LPP: variants seen among roughly 807,000 people sequenced by gnomAD.
LPP encodes the protein lipoma-preferred partner.
LPP carries 38 observed loss-of-function variants against 60.4 expected under a neutral mutation model. That is an observed-to-expected ratio of 0.63 (90% CI 0.49 to 0.83). The LOEUF is 0.83. Ranked by LOEUF, LPP falls within the 40% of genes least tolerant of loss-of-function variation. The pLI, the probability that LPP is intolerant of heterozygous loss-of-function variation, is 0.00. For missense variants in LPP, 902 were observed against 783.6 expected (o/e 1.15, Z -1.80); for synonymous variants, 328 against 290.8 (o/e 1.13, Z -1.30).
At chr3:188,361,211 A>G (rs1234534477) in intron 3 of LPP, among the ~76,000 whole-genome samples, 3 of 152,208 alleles carry the variant, frequency 2.0e-5, no homozygotes, top group Non-Finnish European at 4.4e-5. Context: ...TTTTCTTCAA[A>G]TAAACTGTGA....
chr3:188,527,770 A>G (rs1404246642), intron 6 of LPP, among the ~76,000 whole-genome samples: 2 of 148,628 alleles, frequency 1.3e-5, no homozygotes, highest in African/African-American at 5.0e-5. Context: ...TTTTTTTGTA[A>G]TGGGTTTTCA....
At chr3:188,467,774 G>A (rs2149493850) in intron 4 of LPP, among the ~76,000 whole-genome samples, 1 of 152,258 alleles carries the variant, frequency 6.6e-6, no homozygotes, top group East Asian at 1.9e-4. Flanking sequence ...AGAATGAGGA[G>A]TAGCTTTGAG....
chr3:188,291,644 T>TGAA, intron 2 of LPP, among the ~76,000 whole-genome samples: 1 of 42,340 alleles, frequency 2.4e-5, no homozygotes, highest in African/African-American at 6.6e-5. Context: ...AGACTCTGTC[T>TGAA]CAAAAAAAAA....
intron 2 of LPP, among the ~76,000 whole-genome samples, chr3:188,293,896 T>A (rs911840764): frequency 2.0e-5 from 3 of 151,652 alleles, no homozygotes; most frequent in African/African-American, 7.3e-5. Context: ...GAAACCCCCG[T>A]CTCTACTAAA....
intron 6 of LPP, among the ~76,000 whole-genome samples, chr3:188,590,359 G>A (rs1170431595): frequency 2.0e-5 from 3 of 152,112 alleles, no homozygotes; most frequent in Non-Finnish European, 2.9e-5. Context: ...GATCACTTGA[G>A]GTCAGGAGTT....
intron 8 of LPP, chr3:188,710,584 AC>A (rs1866434840): frequency 1.3e-5 from 2 of 152,342 alleles, no homozygotes; most frequent in African/African-American, 4.8e-5. Flanking sequence ...ATCAAAATAC[AC>A]AAAAAGTTTA....
chr3:188,510,102 G>GA (rs1815000670), intron 5 of LPP, among the ~76,000 whole-genome samples: 1 of 151,504 alleles, frequency 6.6e-6, no homozygotes, highest in East Asian at 1.9e-4. Context: ...AATATTTTTT[G>GA]AAAAAAGGAA....
intron 5 of LPP, among the ~76,000 whole-genome samples, chr3:188,501,339 A>G (rs1333552719): frequency 3.9e-5 from 6 of 152,140 alleles, no homozygotes; most frequent in Non-Finnish European, 1.5e-5. Context: ...TATTGGCTGG[A>G]TGCAGTGGCT....
At chr3:188,528,348 T>A (rs1348920655) in intron 6 of LPP, among the ~76,000 whole-genome samples, 3 of 152,226 alleles carry the variant, frequency 2.0e-5, no homozygotes, top group African/African-American at 7.2e-5. Context: ...CCCAGCTTTT[T>A]TTTTAAACGG....
In LPP at chr3:188,887,221, A is replaced by G. The variant is rs897189851; in HGVS notation, c.*12742A>G. 7 of 222,840 alleles carry G rather than the reference A, an allele frequency of 3.1e-5. No homozygotes were observed. Among genetic ancestry groups the G allele is most frequent in the African/African-American group, 1.6e-4 (7 of 44,804 alleles). 13.8% of individuals were successfully genotyped at this position (222,840 alleles called of 1,614,324 possible). On this transcript the variant is annotated 3_prime_UTR_variant, in exon 12 of 12. Transcript: ENST00000617246. ...GCTTCCAAACTAGTTTAAGAAATGC[A>G]AAATGGGAAGAGCTAGCTTTTCTTA...
chr3:188,776,058 G>A (rs1737654500), intron 9 of LPP, among the ~76,000 whole-genome samples: 1 of 152,240 alleles, frequency 6.6e-6, no homozygotes, highest in African/African-American at 2.4e-5. Flanking sequence ...GTGCTATGCG[G>A]AATACAGCGC....
chr3:188,222,127 A>G (rs1716004143), intron 1 of LPP, among the ~76,000 whole-genome samples: 2 of 152,212 alleles, frequency 1.3e-5, no homozygotes, highest in South Asian at 4.1e-4. Flanking sequence ...GTGTGTTTCA[A>G]AATGTGGATT....
At chr3:188,297,959 T>G (rs959061025) in intron 2 of LPP, among the ~76,000 whole-genome samples, 1 of 152,230 alleles carries the variant, frequency 6.6e-6, no homozygotes, top group Non-Finnish European at 1.5e-5. Flanking sequence ...TTTTCTCCAA[T>G]GGGAAGTTTC....
At chr3:188,602,602 G>A (rs1038703217) in intron 6 of LPP, among the ~76,000 whole-genome samples, 1 of 151,566 alleles carries the variant, frequency 6.6e-6, no homozygotes, top group Non-Finnish European at 1.5e-5. Flanking sequence ...ATTTACTCTT[G>A]GAATCACTGG....
chr3:188,617,175 T>C (rs1845009292), intron 7 of LPP, among the ~76,000 whole-genome samples: 1 of 152,176 alleles, frequency 6.6e-6, no homozygotes. Context: ...TCCACTTCCA[T>C]AGGCTAGCCT....
intron 2 of LPP, among the ~76,000 whole-genome samples, chr3:188,331,751 C>T (rs1332379635): frequency 1.3e-5 from 2 of 152,144 alleles, no homozygotes; most frequent in East Asian, 3.9e-4. Flanking sequence ...TCTGATGGTA[C>T]TAGGAGCAGT....
intron 11 of LPP, among the ~76,000 whole-genome samples, chr3:188,873,036 A>G (rs1327953382): frequency 6.6e-6 from 1 of 151,830 alleles, no homozygotes; most frequent in Non-Finnish European, 1.5e-5. Flanking sequence ...AAAATTGTAT[A>G]TTAAAGGACA....
intron 3 of LPP, among the ~76,000 whole-genome samples, chr3:188,371,628 TA>T: frequency 3.5e-5 from 1 of 28,428 alleles, no homozygotes; most frequent in Non-Finnish European, 9.6e-5. Flanking sequence ...TATATATATA[TA>T]TATATATATA....
intron 4 of LPP, among the ~76,000 whole-genome samples, chr3:188,478,542 G>C (rs1030686084): frequency 6.6e-6 from 1 of 152,068 alleles, no homozygotes; most frequent in South Asian, 2.1e-4. Flanking sequence ...TGTGTTAGCT[G>C]CTTTGATCCA....
Sources: allele counts gnomAD v4.1 joint callset (sites outside exome capture counted in the v4.1 genomes callset), GRCh38; gene constraint gnomAD v4.1.1; transcripts MANE v1.5; gene names NCBI Gene and HGNC (gene_info 2026-07-23, HGNC 2026-07-21).